LPAR3: variants seen among roughly 807,000 people sequenced by gnomAD.
LPAR3 encodes the protein lysophosphatidic acid receptor 3, also known as LPA receptor 3.
Under a neutral mutation model 17.8 loss-of-function variants are expected in LPAR3, and 7 were observed. The observed-to-expected ratio is 0.39, with a 90% CI of 0.22 to 0.74. LPAR3 has a LOEUF of 0.74. Ranked by LOEUF, LPAR3 falls within the 30% of genes least tolerant of loss-of-function variation. The pLI is 0.40. For missense variants in LPAR3, 391 were observed against 453.4 expected, an observed-to-expected ratio of 0.86 and a Z score of 1.25; for synonymous variants, 179 against 179.9, an observed-to-expected ratio of 0.99 and a Z score of 0.04.
At chr1:84,847,479 C>T (rs1380975110) in intron 2 of LPAR3, among the ~76,000 whole-genome samples, 1 of 152,172 alleles carries the variant, frequency 6.6e-6, no homozygotes, top group African/African-American at 2.4e-5. Flanking sequence ...ATTGTCTGGG[C>T]CAGCCCTGTT....
intron 1 of LPAR3, among the ~76,000 whole-genome samples, chr1:84,883,588 A>T (rs1230409422): frequency 6.6e-6 from 1 of 152,244 alleles, no homozygotes; most frequent in Non-Finnish European, 1.5e-5. Context: ...TTCAAAGTTT[A>T]CATCTCTTTC....
At chr1:84,831,816 T>G (rs953536574) in intron 2 of LPAR3, among the ~76,000 whole-genome samples, 1 of 146,614 alleles carries the variant, frequency 6.8e-6, no homozygotes, top group Admixed American at 6.9e-5. Flanking sequence ...AACAGTTTCT[T>G]TGGGTAAACT....
rs181009471 is a variant in LPAR3, at chr1:84,821,236, G to A, written c.737-7065C>T. On this transcript the variant is annotated intron_variant, in intron 2 of 2. Transcript: ENST00000370611. ...AGCTGCTCTGACTAAAGAAAGAGAC[G>A]GAGGAGAGGGGGTGTTAACTAAAGC... 2.8e-3 allele frequency among the ~76,000 whole-genome samples: 419 copies of A among 151,978 alleles called. 2 individuals carry two copies. The highest frequency in any genetic ancestry group is 9.8e-3 in the African/African-American group (405 of 41,458).
intron 2 of LPAR3, among the ~76,000 whole-genome samples, chr1:84,854,941 A>G (rs1419020680): frequency 1.3e-5 from 2 of 152,180 alleles, no homozygotes; most frequent in Non-Finnish European, 2.9e-5. Flanking sequence ...TCTCAACAGT[A>G]TTGATTCTTT....
chr1:84,825,224 T>C (rs1659134024), intron 2 of LPAR3, among the ~76,000 whole-genome samples: 1 of 152,202 alleles, frequency 6.6e-6, no homozygotes, highest in South Asian at 2.1e-4. Flanking sequence ...CATTGTGCAA[T>C]GTGAGAGAAT....
At chr1:84,861,851 T>C (rs1480510084) in intron 2 of LPAR3, among the ~76,000 whole-genome samples, 5 of 152,198 alleles carry the variant, frequency 3.3e-5, no homozygotes, top group Non-Finnish European at 7.4e-5. Context: ...TACTTGGAAA[T>C]TTAATTGTTC....
Position 84,866,136 on chromosome 1 carries a change from A to C in LPAR3, c.-16T>G. 1 of 1,550,126 alleles carries C rather than the reference A, an allele frequency of 6.5e-7. No individual in the cohort carries two copies. Among genetic ancestry groups the C allele is most frequent in the Non-Finnish European group, 8.7e-7 (1 of 1,151,866 alleles). The stretch of plus-strand genomic sequence containing the variant: ...ACTCATTCATTGTGGAGAAGTGAAC[A>C]TCCTAGAAAGAAATTTAAAGAAGAA... On this transcript the variant is annotated splice_region_variant and 5_prime_UTR_variant, in exon 2 of 3. It removes an upstream start codon present in the reference 5' UTR. Transcript: ENST00000370611.
chr1:84,890,708 G>A (rs1189881759), intron 1 of LPAR3, among the ~76,000 whole-genome samples: 2 of 152,186 alleles, frequency 1.3e-5, no homozygotes, highest in Non-Finnish European at 2.9e-5. Flanking sequence ...TTGAACTAAT[G>A]TATACTCCAA....
chr1:84,848,761 T>A (rs778635093), intron 2 of LPAR3, among the ~76,000 whole-genome samples: 4 of 152,126 alleles, frequency 2.6e-5, no homozygotes, highest in Non-Finnish European at 5.9e-5. Flanking sequence ...GCATCTTCAC[T>A]AGTTCTCCCA....
intron 2 of LPAR3, among the ~76,000 whole-genome samples, chr1:84,849,266 T>G (rs1029377513): frequency 6.7e-6 from 1 of 149,538 alleles, no homozygotes; most frequent in African/African-American, 2.5e-5. Context: ...TCCCAGCTAC[T>G]CGGGAGGCTG....
chr1:84,868,110 T>G (rs1024402279), intron 1 of LPAR3, among the ~76,000 whole-genome samples: 3 of 149,458 alleles, frequency 2.0e-5, no homozygotes, highest in Non-Finnish European at 2.9e-5. Context: ...TTAAGAGAGA[T>G]AGCATTTTTT....
At chr1:84,864,625 T>C (rs1330119663) in intron 2 of LPAR3, among the ~76,000 whole-genome samples, 1 of 151,814 alleles carries the variant, frequency 6.6e-6, no homozygotes, top group Non-Finnish European at 1.5e-5. Flanking sequence ...CTACTAAAAA[T>C]ACAAAAATTA....
intron 2 of LPAR3, among the ~76,000 whole-genome samples, chr1:84,853,107 GA>G (rs34146882): frequency 0.68 from 96,535 of 141,356 alleles, 33,044 homozygotes; most frequent in East Asian, 0.84. Context: ...GAAAAGAAAA[GA>G]AAAAAAAAAA....
chr1:84,849,950 T>C (rs1466406974), intron 2 of LPAR3, among the ~76,000 whole-genome samples: 2 of 152,114 alleles, frequency 1.3e-5, no homozygotes, highest in African/African-American at 4.8e-5. Flanking sequence ...GCCTCTCGGA[T>C]GGGCGGCCCT....
At chr1:84,820,231 T>TA (rs1293009436) in intron 2 of LPAR3, among the ~76,000 whole-genome samples, 2 of 152,222 alleles carry the variant, frequency 1.3e-5, no homozygotes, top group Admixed American at 6.5e-5. Context: ...TTTTAATACA[T>TA]ACGTCTTGTG....
At chr1:84,839,499 C>A (rs1659468996) in intron 2 of LPAR3, among the ~76,000 whole-genome samples, 1 of 152,050 alleles carries the variant, frequency 6.6e-6, no homozygotes, top group African/African-American at 2.4e-5. Context: ...CATAATGAGA[C>A]CTGTCTCTGC....
At chr1:84,818,140 G>C (rs1031993333) in intron 2 of LPAR3, among the ~76,000 whole-genome samples, 1 of 151,942 alleles carries the variant, frequency 6.6e-6, no homozygotes, top group African/African-American at 2.4e-5. Context: ...CATTCCCAAG[G>C]GTTTTTATAA....
chr1:84,817,437 C>A (rs555238917), intron 2 of LPAR3, among the ~76,000 whole-genome samples: 3 of 152,062 alleles, frequency 2.0e-5, no homozygotes, highest in Non-Finnish European at 4.4e-5. Context: ...TAGAGCAAAC[C>A]CCCTCAAAGT....
chr1:84,865,760 G>T lies in LPAR3; in HGVS notation c.361C>A (p.Leu121Met). ...ATGTGCCTCTCCACGGCGATAACCAGCAAGTTGGTGAGGGAAGCAGTCAAG... is the reference window on the plus strand; with the variant it reads ...ATGTGCCTCTCCACGGCGATAACCATCAAGTTGGTGAGGGAAGCAGTCAAG... ...SSLTASLTNL[L>M]VIAVERHMSI... Residue 121 changes from leucine to methionine, a missense_variant, in exon 2 of 3, where the codon CTG (leucine) becomes ATG (methionine). Physicochemically the swap from Leu to Met is conservative, Grantham distance 15 (BLOSUM62 2). Coordinates refer to ENST00000370611, the MANE Select transcript of LPAR3 (RefSeq NM_012152.3). 1 of 1,614,232 alleles carries T rather than the reference G, an allele frequency of 6.2e-7. No individual in the cohort carries two copies. Among genetic ancestry groups the T allele is most frequent in the Non-Finnish European group, 8.5e-7 (1 of 1,180,042 alleles).
Sources: allele counts gnomAD v4.1 joint callset (sites outside exome capture counted in the v4.1 genomes callset), GRCh38; gene constraint gnomAD v4.1.1; transcripts MANE v1.5; gene names NCBI Gene and HGNC (gene_info 2026-07-23, HGNC 2026-07-21).